The following ABCA1 variants were observed in gnomAD, a reference collection of about 807,000 sequenced individuals.
ABCA1 encodes the protein phospholipid-transporting ATPase ABCA1.
A neutral mutation model predicts 262.5 loss-of-function variants in ABCA1; 133 were observed. That is an observed-to-expected ratio of 0.51 (90% CI 0.44 to 0.59). The LOEUF (loss-of-function observed/expected upper bound fraction) is 0.59, where lower values mean the gene tolerates loss of function less well. Among genes scored for constraint, ABCA1 ranks in the 20% least tolerant of loss-of-function variants. The probability of loss-of-function intolerance (pLI) is 0.00; values close to 1 mark genes in which losing one functional copy is unlikely to be tolerated. For synonymous variants in ABCA1, 1,022 were observed against 1,043.5 expected (o/e 0.98, Z 0.40); for missense variants, 2,452 against 2,777.5 (o/e 0.88, Z 2.63).
chr9:104,855,430 G>C (rs1835754921), intron 7 of ABCA1: 1 of 282,896 alleles, frequency 3.5e-6, no homozygotes, highest in Non-Finnish European at 6.3e-6. Flanking sequence ...TGAACTCCTG[G>C]CCTCAAGTGA....
At chr9:104,818,946 T>A in intron 22 of ABCA1, 63 bp from the exon 23 acceptor site, 1 of 1,436,478 alleles carries the variant, frequency 7.0e-7, no homozygotes, top group Non-Finnish European at 9.6e-7. Flanking sequence ...TTTGTCACAG[T>A]GACAGGGACT....
In ABCA1 at chr9:104,913,888, C is replaced by T. The variant is rs373102130; in HGVS notation, c.-92-10117G>A. Among the ~76,000 whole-genome samples the T allele has an allele frequency of 2.6e-5, 4 of 152,104 alleles. No homozygotes were observed. The East Asian group carries it at 7.8e-4, about 30-fold the overall frequency. ...TCGGCTCACTGCAAGCTCCGCCTCC[C>T]GGCTTCACGCCATTCTCCTGCCTCA... On this transcript the variant is annotated intron_variant, in intron 1 of 49. Transcript: ENST00000374736.
At chr9:104,838,287 G>A (rs1834007765) in intron 9 of ABCA1, among the ~76,000 whole-genome samples, 1 of 131,786 alleles carries the variant, frequency 7.6e-6, no homozygotes, top group South Asian at 2.5e-4. Context: ...CGGGCAACAA[G>A]AGCGAAACTC....
At chr9:104,855,013 A>G in intron 7 of ABCA1, 1 of 380,642 alleles carries the variant, frequency 2.6e-6, no homozygotes, top group Non-Finnish European at 3.6e-6. Context: ...CTTTAAAAAC[A>G]CAACAGCGTT....
intron 1 of ABCA1, among the ~76,000 whole-genome samples, chr9:104,916,391 C>T (rs1032795312): frequency 1.3e-5 from 2 of 152,100 alleles, no homozygotes; most frequent in African/African-American, 4.8e-5. Context: ...AGTTGAAAGA[C>T]GCCTTAAGAT....
chr9:104,806,742 T>C (rs183412261), intron 30 of ABCA1, among the ~76,000 whole-genome samples: 1 of 152,324 alleles, frequency 6.6e-6, no homozygotes, highest in African/African-American at 2.4e-5. Flanking sequence ...AAACATTCGT[T>C]GAGCATCTAC....
intron 5 of ABCA1, among the ~76,000 whole-genome samples, chr9:104,870,100 C>A (rs999931393): frequency 6.6e-6 from 1 of 151,412 alleles, no homozygotes; most frequent in East Asian, 1.9e-4. Flanking sequence ...CTCCCTGAAC[C>A]TTCCAAGGCA....
intron 17 of ABCA1, among the ~76,000 whole-genome samples, chr9:104,825,083 T>C (rs1030280887): frequency 6.6e-6 from 1 of 152,208 alleles, no homozygotes; most frequent in African/African-American, 2.4e-5. Context: ...ATGTATTATA[T>C]TAAGAAAGAA....
chr9:104,793,921 A>T (rs1179763229), intron 40 of ABCA1, among the ~76,000 whole-genome samples: 2 of 152,342 alleles, frequency 1.3e-5, no homozygotes, highest in East Asian at 3.9e-4. Context: ...AACCATTCTA[A>T]AGGTAGAAAA....
intron 7 of ABCA1, among the ~76,000 whole-genome samples, chr9:104,857,679 T>C (rs573814751): frequency 1.3e-5 from 2 of 152,238 alleles, no homozygotes; most frequent in South Asian, 2.1e-4. Flanking sequence ...AAAGAATTCG[T>C]GCTGCACAAA....
intron 40 of ABCA1, among the ~76,000 whole-genome samples, chr9:104,793,595 TTTTAAAAAGGCAA>T (rs1485251855): frequency 1.3e-5 from 2 of 152,180 alleles, no homozygotes; most frequent in Non-Finnish European, 2.9e-5. Flanking sequence ...CCAAAAATCC[TTTTAAAAAGGCAA>T]ACGACCCAAG....
At position 104,883,117 on chromosome 9, in the gene ABCA1, AT is replaced by A; in HGVS notation, c.342del (p.Leu114PhefsTer9). 6.2e-7 allele frequency: 1 copy of A among 1,614,242 alleles called. No homozygotes were observed. Among genetic ancestry groups the A allele is most frequent in the South Asian group, 1.1e-5 (1 of 91,088 alleles). ...RLFSDARRLL[L>X]YSQKDTSMKD... is the part of the protein sequence containing the mutation. Reference sequence around the variant, plus strand: ...TTCATGCTGGTGTCTTTCTGGCTGTATAAAAGAAGCCTCCGAGCATCTGAGA... The same window carrying A: ...TTCATGCTGGTGTCTTTCTGGCTGTAAAAAGAAGCCTCCGAGCATCTGAGA... On this transcript the variant is annotated frameshift_variant, in exon 5 of 50. Transcript: ENST00000374736. LOFTEE classifies it high-confidence loss of function.
intron 6 of ABCA1, among the ~76,000 whole-genome samples, chr9:104,860,199 C>G (rs1836241030): frequency 6.6e-6 from 1 of 151,696 alleles, no homozygotes; most frequent in Non-Finnish European, 1.5e-5. Context: ...CTTGTATGCT[C>G]AAAAAAAAGA....
At chr9:104,913,045 TCA>T (rs911467758) in intron 1 of ABCA1, among the ~76,000 whole-genome samples, 2 of 152,206 alleles carry the variant, frequency 1.3e-5, no homozygotes, top group African/African-American at 4.8e-5. Flanking sequence ...AGTGACCATA[TCA>T]CCAAAGATCA....
intron 7 of ABCA1, among the ~76,000 whole-genome samples, chr9:104,851,746 G>A (rs1835399246): frequency 6.6e-6 from 1 of 152,192 alleles, no homozygotes; most frequent in East Asian, 1.9e-4. Flanking sequence ...GAGAGGGCTG[G>A]ACCTTGCACA....
rs373561038 is a variant in ABCA1 at position 104,800,498 on chromosome 9, A to T, written c.4773+12T>A. On this transcript the variant is annotated intron_variant, in intron 35 of 49. Coordinates refer to ENST00000374736, the MANE Select transcript of ABCA1 (RefSeq NM_005502.4). Reference sequence around the variant, plus strand: ...TCATCAAAAAGCTACTAGAACAAAGACAGCGGTTTACCTTGACATTATTTT... The same window carrying T: ...TCATCAAAAAGCTACTAGAACAAAGTCAGCGGTTTACCTTGACATTATTTT... 1.9e-6 allele frequency: 3 copies of T among 1,611,362 alleles called. No individual in the cohort carries two copies. The highest frequency in any genetic ancestry group is 2.5e-6 in the Non-Finnish European group (3 of 1,177,386).
At position 104,891,335 on chromosome 9, in the gene ABCA1, G is replaced by A. The variant is rs372785723; in HGVS notation, c.67-2140C>T. ...ATCACTTTGTGAGGCCAAGGCAGGC[G>A]GATCACCTGAGGTCAGGAGTTGGAG... On this transcript the variant is annotated intron_variant, in intron 2 of 49. Transcript: ENST00000374736. Among the ~76,000 whole-genome samples, 33 of 152,290 alleles carry A rather than the reference G, an allele frequency of 2.2e-4. No individual in the cohort carries two copies. In the South Asian group the frequency reaches 4.8e-3, roughly 22 times the overall value.
At chr9:104,919,447 T>TA (rs779205582) in intron 1 of ABCA1, among the ~76,000 whole-genome samples, 1 of 151,896 alleles carries the variant, frequency 6.6e-6, no homozygotes, top group Non-Finnish European at 1.5e-5. Context: ...CCGTCTCTAT[T>TA]AAAAAAATAC....
At chr9:104,821,966 A>AC (rs1271203297) in intron 19 of ABCA1, among the ~76,000 whole-genome samples, 1 of 152,124 alleles carries the variant, frequency 6.6e-6, no homozygotes, top group Non-Finnish European at 1.5e-5. Flanking sequence ...AAAGAATGTC[A>AC]CCCCCCAAAG....
Sources: gnomAD v4.1 joint callset for allele counts (sites outside exome capture counted in the v4.1 genomes callset) on GRCh38, gnomAD v4.1.1 for gene constraint, MANE v1.5 for transcripts, NCBI Gene and HGNC (gene_info 2026-07-23, HGNC 2026-07-21) for gene names.